The following ZEB2 variants were observed in gnomAD, a reference collection of about 807,000 sequenced individuals.
The protein encoded by ZEB2 is zinc finger E-box binding homeobox 2.
Under a neutral mutation model 99.9 loss-of-function variants are expected in ZEB2, and 6 were observed. The observed-to-expected ratio is 0.06, with a 90% CI of 0.03 to 0.12. ZEB2 has a LOEUF of 0.12. Ranked by LOEUF, ZEB2 falls within the 10% of genes least tolerant of loss-of-function variation. The pLI, the probability that ZEB2 is intolerant of heterozygous loss-of-function variation, is 1.00. For synonymous variants in ZEB2, 517 were observed against 542.5 expected (o/e 0.95, Z 0.65); for missense variants, 969 against 1,502.8 (o/e 0.64, Z 5.87).
chr2:144,513,679 G>A (rs1281872339), intron 2 of ZEB2: 1 of 1,535,346 alleles, frequency 6.5e-7, no homozygotes, highest in Non-Finnish European at 8.7e-7. Context: ...AGCATCCCAG[G>A]ACCCGCTGCC....
At chr2:144,482,041 G>C (rs906317832) in intron 2 of ZEB2, 3 of 152,176 alleles carry the variant, frequency 2.0e-5, no homozygotes, top group Non-Finnish European at 4.4e-5. Flanking sequence ...AATTCCAACA[G>C]AATGCCTCAT....
rs1703748480 is a variant in ZEB2 at position 144,430,005 on chromosome 2, A to G, written c.95T>C (p.Val32Ala). 1 of 1,613,500 alleles carries G rather than the reference A, an allele frequency of 6.2e-7. No individual in the cohort carries two copies. Among genetic ancestry groups the G allele is most frequent in the South Asian group, 1.1e-5 (1 of 91,086 alleles). ...CTCATCTGTTTCAGAACCTGTGTCC[A>G]CTACATTGTCATAGTTCACCACTGC... ...RKNVVNYDNV[V>A]DTGSETDEED... Residue 32 changes from valine to alanine, a missense_variant, in exon 3 of 10, where the codon GTG becomes GCG. Val to Ala is a moderately conservative substitution (Grantham distance 64). Transcript: ENST00000627532.
chr2:144,403,951 G>A lies in ZEB2; in HGVS notation c.772C>T (p.Arg258Trp). Reference sequence around the variant, plus strand: ...CCTGGCTTGTGTGTCACCATATGCCGCTCGAGCTGGGTGCGGTAGGCAAAC... The same window carrying A: ...CCTGGCTTGTGTGTCACCATATGCCACTCGAGCTGGGTGCGGTAGGCAAAC... ...YTFAYRTQLE[R>W]HMVTHKPGTD... is the part of the protein sequence containing the mutation. Residue 258 changes from arginine (R) to tryptophan (W), a missense_variant, in exon 6 of 10, where the codon CGG (arginine) becomes TGG (tryptophan). Coordinates refer to ENST00000627532, the MANE Select transcript of ZEB2 (RefSeq NM_014795.4). 2 of 1,614,084 alleles carry A rather than the reference G, an allele frequency of 1.2e-6. No individual in the cohort carries two copies. Among genetic ancestry groups the A allele is most frequent in the Non-Finnish European group, 8.5e-7 (1 of 1,180,016 alleles).
rs753449937 is a variant in ZEB2, at chr2:144,517,268, T to A, written c.73+10A>T. The A allele has an allele frequency of 1.2e-6, 2 of 1,613,388 alleles. No homozygotes were observed. The highest frequency in any genetic ancestry group is 1.7e-6 in the Non-Finnish European group (2 of 1,179,776). On this transcript the variant is annotated intron_variant, in intron 2 of 9. Coordinates refer to ENST00000627532, the MANE Select transcript of ZEB2 (RefSeq NM_014795.4). ...TGGCCCGGAAAAGTTTGGTTCGGGC[T>A]GCTTCTTACCGTTTTTCCTCCTGGG... is the stretch of plus-strand genomic sequence containing the variant.
At chr2:144,487,923 G>A (rs973979569) in intron 2 of ZEB2, among the ~76,000 whole-genome samples, 3 of 152,126 alleles carry the variant, frequency 2.0e-5, no homozygotes, top group Non-Finnish European at 4.4e-5. Flanking sequence ...ATTTCACTGT[G>A]AGCCTTACAT....
rs1337299522 is a variant in ZEB2 at position 144,489,734 on chromosome 2, C to T, written c.73+27544G>A. ...TTTGGGTGCGCAGCAGCGAGGATGG[C>T]GAAACACAAACAGGGCACGTTCGTT... On this transcript the variant is annotated intron_variant, in intron 2 of 9. Coordinates refer to ENST00000627532, the MANE Select transcript of ZEB2 (RefSeq NM_014795.4). Among the ~76,000 whole-genome samples, 5 of 152,102 alleles carry T rather than the reference C, an allele frequency of 3.3e-5. No homozygotes were observed. In the South Asian group the frequency reaches 6.2e-4, roughly 19 times the overall value.
At chr2:144,458,704 AAATAATTT>A (rs779854928) in intron 2 of ZEB2, among the ~76,000 whole-genome samples, 18 of 152,162 alleles carry the variant, frequency 1.2e-4, no homozygotes, top group Non-Finnish European at 1.3e-4. Flanking sequence ...AGGTTTAACT[AAATAATTT>A]ATGCATACTT....
At chr2:144,412,009 C>T (rs1703471637) in intron 4 of ZEB2, among the ~76,000 whole-genome samples, 1 of 152,220 alleles carries the variant, frequency 6.6e-6, no homozygotes, top group Non-Finnish European at 1.5e-5. Context: ...GTGGCTTACG[C>T]CTGTAATCCC....
intron 7 of ZEB2, 79 bp downstream of exon 7, chr2:144,401,120 T>C (rs1179112576): frequency 3.4e-5 from 45 of 1,305,170 alleles, no homozygotes; most frequent in Non-Finnish European, 4.8e-5. Flanking sequence ...AATAGGACTG[T>C]GTAAATTTTA....
chr2:144,410,054 G>C (rs1300136946), intron 4 of ZEB2, among the ~76,000 whole-genome samples: 1 of 151,982 alleles, frequency 6.6e-6, no homozygotes, highest in Non-Finnish European at 1.5e-5. Flanking sequence ...TGGGACTACA[G>C]GTGCCTGCCA....
chr2:144,429,055 T>C (rs964606622), intron 3 of ZEB2: 3 of 152,274 alleles, frequency 2.0e-5, no homozygotes, highest in African/African-American at 7.2e-5. Flanking sequence ...TTCTCCGTCA[T>C]AAGTGAATTT....
rs1573721463 is a variant in ZEB2, at chr2:144,404,266, G to A, written c.593-136C>T. On this transcript the variant is annotated intron_variant, in intron 5 of 9. Coordinates refer to ENST00000627532, the MANE Select transcript of ZEB2 (RefSeq NM_014795.4). ...TCCACAGAGTGCCATCATTGCACCC[G>A]GCCCCCTCGCACACCAGTCCCCTCG... is the stretch of plus-strand genomic sequence containing the variant. 6 of 963,700 alleles carry A rather than the reference G, an allele frequency of 6.2e-6. No individual in the cohort carries two copies. The East Asian group carries it at 1.1e-4, about 17-fold the overall frequency. 59.7% of individuals were successfully genotyped at this position (963,700 alleles called of 1,614,324 possible). A position where few individuals can be genotyped will look rare whatever the true frequency, so the allele number is the denominator to read the frequency against.
chr2:144,429,809 C>A lies in ZEB2; in HGVS notation c.291G>T (p.Trp97Cys), dbSNP rs1455780012. 2 of 1,613,772 alleles carry A rather than the reference C, an allele frequency of 1.2e-6. No individual in the cohort carries two copies. Among genetic ancestry groups the A allele is most frequent in the Admixed American group, 1.7e-5 (1 of 59,964 alleles). Residue 97 changes from tryptophan (W) to cysteine (C), a missense_variant, in exon 3 of 10, where the codon TGG (tryptophan) becomes TGT (cysteine). Around this residue, in one of 8 missense-constraint regions of ZEB2, gnomAD observed 173 missense variants for 217.7 expected, o/e 0.79. Transcript: ENST00000627532. Reference sequence around the variant, plus strand: ...AGGCTTGTAGAATCTCGTTGTTGTGCCAGGGGTGTTCCACTCCACCCTCCC... The same window carrying A: ...AGGCTTGTAGAATCTCGTTGTTGTGACAGGGGTGTTCCACTCCACCCTCCC... ...EIREGGVEHPWHNNEILQASV... is the reference protein window; with the variant it reads ...EIREGGVEHPCHNNEILQASV...
chr2:144,490,659 A>G (rs1023797291), intron 2 of ZEB2, among the ~76,000 whole-genome samples: 3 of 152,240 alleles, frequency 2.0e-5, no homozygotes, highest in African/African-American at 7.2e-5. Flanking sequence ...AGCCTCGATG[A>G]AAGTGAAGTG....
chr2:144,422,809 CA>C (rs11336849), intron 4 of ZEB2, among the ~76,000 whole-genome samples: 7,212 of 152,154 alleles, frequency 0.047, 465 homozygotes, highest in African/African-American at 0.15. Flanking sequence ...TCAAACAAAA[CA>C]AAACAAATCA....
At chr2:144,428,278 A>T (rs1703716042) in intron 3 of ZEB2, 2 of 152,010 alleles carry the variant, frequency 1.3e-5, no homozygotes, top group Admixed American at 1.3e-4. Context: ...TTCTCGCCAC[A>T]CTCTGTTTCT....
At chr2:144,422,525 C>A (rs1211279966) in intron 4 of ZEB2, among the ~76,000 whole-genome samples, 1 of 152,210 alleles carries the variant, frequency 6.6e-6, no homozygotes. Flanking sequence ...ATAGGCCAGG[C>A]GCAGTGGCAC....
chr2:144,426,971 T>G (rs978229429), intron 3 of ZEB2: 6 of 152,172 alleles, frequency 3.9e-5, no homozygotes, highest in African/African-American at 7.2e-5. Flanking sequence ...GCCTCCGAAT[T>G]AAAGGCAATC....
intron 2 of ZEB2, among the ~76,000 whole-genome samples, chr2:144,431,652 A>G (rs767257588): frequency 6.6e-6 from 1 of 151,834 alleles, no homozygotes; most frequent in African/African-American, 2.4e-5. Context: ...CAGGCTGGGT[A>G]ATGCCCTCAG....
Sources: gnomAD v4.1 joint callset for allele counts (sites outside exome capture counted in the v4.1 genomes callset) on GRCh38, gnomAD v4.1.1 for gene constraint, gnomAD v4.1.1 regional missense constraint, MANE v1.5 for transcripts, NCBI Gene and HGNC (gene_info 2026-07-23, HGNC 2026-07-21) for gene names.